The following PDE1C variants were observed in gnomAD, a reference collection of about 807,000 sequenced individuals.
PDE1C encodes the protein dual specificity calcium/calmodulin-dependent 3',5'-cyclic nucleotide phosphodiesterase 1C.
PDE1C carries 62 observed loss-of-function variants against 93.1 expected under a neutral mutation model. That is an observed-to-expected ratio of 0.67 (90% CI 0.54 to 0.82). The LOEUF is 0.82. PDE1C is among the 40% of genes least tolerant of loss of function. PDE1C has a pLI of 0.00. For synonymous variants in PDE1C, 325 were observed against 310.1 expected (o/e 1.05, Z -0.50); for missense variants, 742 against 884.6 (o/e 0.84, Z 2.04).
At chr7:31,769,398 T>C (rs1281366527) in intron 17 of PDE1C, among the ~76,000 whole-genome samples, 1 of 152,206 alleles carries the variant, frequency 6.6e-6, no homozygotes, top group East Asian at 1.9e-4. Context: ...TCAATGTCTT[T>C]AGGTATGAAT....
At chr7:32,098,155 G>A (rs998237050) in intron 3 of PDE1C, among the ~76,000 whole-genome samples, 4 of 141,950 alleles carry the variant, frequency 2.8e-5, no homozygotes, top group Non-Finnish European at 6.1e-5. Flanking sequence ...GCGTGAACCC[G>A]GGAGGCGGAG....
At chr7:32,168,475 A>G (rs938777870) in intron 3 of PDE1C, among the ~76,000 whole-genome samples, 8 of 152,214 alleles carry the variant, frequency 5.3e-5, no homozygotes, top group African/African-American at 1.9e-4. Flanking sequence ...TGGAAGGAGT[A>G]GTTATAAGAA....
intron 1 of PDE1C, among the ~76,000 whole-genome samples, chr7:32,413,669 G>C (rs1785218316): frequency 6.6e-6 from 1 of 152,156 alleles, no homozygotes; most frequent in Non-Finnish European, 1.5e-5. Context: ...TTGTACAACA[G>C]TGTGTATGAA....
intron 17 of PDE1C, among the ~76,000 whole-genome samples, chr7:31,764,268 T>C (rs760200146): frequency 4.6e-5 from 7 of 152,150 alleles, no homozygotes; most frequent in Non-Finnish European, 7.3e-5. Flanking sequence ...CCTCAGACTC[T>C]GTAGTAGCCG....
the PDE1C span, among the ~76,000 whole-genome samples, chr7:31,647,165 C>G: frequency 1.2e-4 from 18 of 152,240 alleles, no homozygotes; most frequent in African/African-American, 4.1e-4. Context: ...ATTTAAAGCA[C>G]AAAGAGAACA....
In PDE1C at chr7:31,994,180, C is replaced by T. The variant is rs191790652; in HGVS notation, c.128+57374G>A. Among the ~76,000 whole-genome samples the T allele has an allele frequency of 1.0e-3, 159 of 152,264 alleles. 1 individual carries two copies. Among genetic ancestry groups the T allele is most frequent in the African/African-American group, 3.7e-3 (152 of 41,564 alleles). ...TGTGTGGTAGAAAGGGTCACCAATTCCCTGATATGCTATATCTAATTTTAT... is the reference window on the plus strand; with the variant it reads ...TGTGTGGTAGAAAGGGTCACCAATTTCCTGATATGCTATATCTAATTTTAT... On this transcript the variant is annotated intron_variant, in intron 2 of 17. Transcript: ENST00000396191.
At chr7:31,924,386 A>C (rs1803069073) in intron 2 of PDE1C, among the ~76,000 whole-genome samples, 1 of 152,220 alleles carries the variant, frequency 6.6e-6, no homozygotes, top group Admixed American at 6.5e-5. Context: ...TTTGTAGCAA[A>C]GCTGAGTAGA....
intron 3 of PDE1C, among the ~76,000 whole-genome samples, chr7:32,085,384 C>T (rs1477088013): frequency 1.4e-5 from 2 of 142,566 alleles, no homozygotes; most frequent in African/African-American, 2.7e-5. Flanking sequence ...CAAAAAGAGT[C>T]CAGGACCAGA....
chr7:31,965,870 T>C (rs948287206), intron 2 of PDE1C, among the ~76,000 whole-genome samples: 3 of 151,894 alleles, frequency 2.0e-5, no homozygotes, highest in Non-Finnish European at 4.4e-5. Flanking sequence ...GCTTCATAAG[T>C]GAAGGAGAAA....
At chr7:32,066,727 C>CA (rs1172462359) in intron 1 of PDE1C, among the ~76,000 whole-genome samples, 1 of 129,054 alleles carries the variant, frequency 7.7e-6, no homozygotes, top group East Asian at 2.0e-4. Flanking sequence ...GATTCTGTAA[C>CA]AAAAAAGTAA....
chr7:31,910,654 G>A (rs903427984), intron 2 of PDE1C, among the ~76,000 whole-genome samples: 2 of 152,210 alleles, frequency 1.3e-5, no homozygotes, highest in African/African-American at 4.8e-5. Flanking sequence ...TGTATGTGGT[G>A]GATGAGTCCA....
chr7:31,740,698 T>C, the PDE1C span, among the ~76,000 whole-genome samples: 1 of 152,214 alleles, frequency 6.6e-6, no homozygotes, highest in East Asian at 1.9e-4. Context: ...AAACATCATA[T>C]CATTCTAGCA....
chr7:32,147,038 C>G (rs1800879493), intron 3 of PDE1C, among the ~76,000 whole-genome samples: 1 of 151,370 alleles, frequency 6.6e-6, no homozygotes, highest in Non-Finnish European at 1.5e-5. Context: ...AAGATATATA[C>G]TAAATCCCCA....
At chr7:32,148,356 G>C (rs532580397) in intron 3 of PDE1C, among the ~76,000 whole-genome samples, 160 of 152,024 alleles carry the variant, frequency 1.1e-3, no homozygotes, top group African/African-American at 3.7e-3. Context: ...TAAAATTATT[G>C]AGATATTTTA....
intron 1 of PDE1C, among the ~76,000 whole-genome samples, chr7:32,363,935 A>G (rs777999655): frequency 3.9e-5 from 6 of 152,236 alleles, no homozygotes; most frequent in Non-Finnish European, 8.8e-5. Flanking sequence ...TCCTCATAAC[A>G]ATTCTATTGA....
At chr7:32,362,099 G>A (rs1239130902) in intron 1 of PDE1C, among the ~76,000 whole-genome samples, 1 of 152,144 alleles carries the variant, frequency 6.6e-6, no homozygotes, top group East Asian at 1.9e-4. Flanking sequence ...CGCTCCCCCA[G>A]GGCGGGGAGA....
intron 1 of PDE1C, among the ~76,000 whole-genome samples, chr7:32,368,497 T>C (rs114826575): frequency 6.6e-6 from 1 of 151,710 alleles, no homozygotes; most frequent in Non-Finnish European, 1.5e-5. Context: ...ATGAAAAAAA[T>C]TAAAGAAGAT....
chr7:32,034,953 T>C (rs1374394791), intron 2 of PDE1C, among the ~76,000 whole-genome samples: 1 of 152,198 alleles, frequency 6.6e-6, no homozygotes, highest in Non-Finnish European at 1.5e-5. Flanking sequence ...ATGATTATCA[T>C]GCATCTTCAA....
intron 1 of PDE1C, among the ~76,000 whole-genome samples, chr7:32,405,018 G>C (rs1234259651): frequency 6.6e-6 from 1 of 152,096 alleles, no homozygotes; most frequent in Non-Finnish European, 1.5e-5. Flanking sequence ...TTTATCTGTG[G>C]AATGTGTGGA....
Sources: allele counts gnomAD v4.1 joint callset (sites outside exome capture counted in the v4.1 genomes callset), GRCh38; gene constraint gnomAD v4.1.1; transcripts MANE v1.5; gene names NCBI Gene and HGNC (gene_info 2026-07-23, HGNC 2026-07-21).